The following CPNE8 variants were observed in gnomAD, a reference collection of about 807,000 sequenced individuals.
CPNE8 encodes the protein copine 8, also known as copine-8.
A neutral mutation model predicts 81.5 loss-of-function variants in CPNE8; 45 were observed. The observed-to-expected ratio is 0.55, with a 90% CI of 0.44 to 0.71. The LOEUF is 0.71. CPNE8 is among the 30% of genes least tolerant of loss of function. The pLI, the probability that CPNE8 is intolerant of heterozygous loss-of-function variation, is 0.00. For missense variants in CPNE8, 594 were observed against 672.1 expected (o/e 0.88, Z 1.28); for synonymous variants, 252 against 226.3 (o/e 1.11, Z -1.02).
At chr12:38,842,030 A>G (rs1943475965) in intron 4 of CPNE8, among the ~76,000 whole-genome samples, 1 of 137,796 alleles carries the variant, frequency 7.3e-6, no homozygotes, top group South Asian at 2.2e-4. Flanking sequence ...ATTTTACAAT[A>G]GCAAAAAAAA....
At chr12:38,798,381 TG>T (rs1942559236) in intron 6 of CPNE8, among the ~76,000 whole-genome samples, 2 of 152,052 alleles carry the variant, frequency 1.3e-5, no homozygotes, top group Non-Finnish European at 2.9e-5. Context: ...CAGAAGACAG[TG>T]GGGGCCAATA....
intron 19 of CPNE8, among the ~76,000 whole-genome samples, chr12:38,656,426 T>C (rs2136629554): frequency 6.6e-6 from 1 of 151,966 alleles, no homozygotes. Flanking sequence ...TGCTTCTCTA[T>C]GGAAAGGGGA....
chr12:38,826,134 A>T (rs943778693), intron 6 of CPNE8, among the ~76,000 whole-genome samples: 3 of 152,182 alleles, frequency 2.0e-5, no homozygotes, highest in African/African-American at 7.2e-5. Flanking sequence ...TGCCTAGCTA[A>T]GTTTTCTTAG....
At chr12:38,789,539 G>A (rs903468318) in intron 6 of CPNE8, among the ~76,000 whole-genome samples, 9 of 151,666 alleles carry the variant, frequency 5.9e-5, no homozygotes, top group Admixed American at 3.3e-4. Context: ...ACATTGGTCT[G>A]AGCAAAAATT....
chr12:38,769,180 T>G (rs1941750118), intron 7 of CPNE8, among the ~76,000 whole-genome samples: 1 of 152,154 alleles, frequency 6.6e-6, no homozygotes, highest in Non-Finnish European at 1.5e-5. Flanking sequence ...AAAGGTCAGA[T>G]TTCTTAATTT....
chr12:38,749,926 C>A (rs183700079), intron 10 of CPNE8, among the ~76,000 whole-genome samples: 1,545 of 152,262 alleles, frequency 0.01, 12 homozygotes, highest in Admixed American at 0.018. Flanking sequence ...ATCCCCAAGA[C>A]AATGGGGAAA....
intron 6 of CPNE8, among the ~76,000 whole-genome samples, chr12:38,786,356 C>G (rs550116107): frequency 4.9e-4 from 75 of 152,264 alleles, no homozygotes; most frequent in Non-Finnish European, 8.8e-4. Flanking sequence ...CAGACCCACC[C>G]TTACTCTGGG....
At chr12:38,676,693 A>G (rs1939297184) in intron 17 of CPNE8, among the ~76,000 whole-genome samples, 1 of 152,196 alleles carries the variant, frequency 6.6e-6, no homozygotes, top group Non-Finnish European at 1.5e-5. Flanking sequence ...CATCACTTAA[A>G]TAATTTAATA....
At position 38,829,324 on chromosome 12, in the gene CPNE8, C is replaced by T. The variant is rs2137021720; in HGVS notation, c.407+55G>A. The T allele has an allele frequency of 4.7e-6, 6 of 1,270,862 alleles. 1 individual carries two copies. The South Asian group carries it at 6.0e-5, about 13-fold the overall frequency. 78.7% of individuals were successfully genotyped at this position (1,270,862 alleles called of 1,614,324 possible). A position where few individuals can be genotyped will look rare whatever the true frequency, so the allele number is the denominator to read the frequency against. ...CATGCATTCACCAATTCCAAACTGA[C>T]AAAATAGAAACTGTTAAAGTTGGCA... On this transcript the variant is annotated intron_variant, in intron 6 of 19. Coordinates refer to ENST00000331366, the MANE Select transcript of CPNE8 (RefSeq NM_153634.3).
At chr12:38,871,439 T>C (rs1565656281) in intron 3 of CPNE8, among the ~76,000 whole-genome samples, 2 of 152,160 alleles carry the variant, frequency 1.3e-5, no homozygotes, top group Non-Finnish European at 2.9e-5. Context: ...TTCCACTGTA[T>C]TGTTTCAGGC....
chr12:38,781,494 C>T (rs1205007895), intron 6 of CPNE8, among the ~76,000 whole-genome samples: 7 of 152,000 alleles, frequency 4.6e-5, no homozygotes, highest in Non-Finnish European at 1.0e-4. Context: ...AGTACACCTA[C>T]ATTAATAGCA....
At chr12:38,902,417 A>G (rs35252435) in intron 1 of CPNE8, among the ~76,000 whole-genome samples, 3,056 of 58,282 alleles carry the variant, frequency 0.052, 70 homozygotes, top group Middle Eastern at 0.065. Flanking sequence ...GAAAGAAAGA[A>G]AAAGAAAGAA....
At chr12:38,796,977 G>A (rs545478961) in intron 6 of CPNE8, among the ~76,000 whole-genome samples, 9 of 152,318 alleles carry the variant, frequency 5.9e-5, no homozygotes, top group African/African-American at 1.4e-4. Flanking sequence ...ACTGCAAGGC[G>A]GCAGCAAGGC....
At chr12:38,813,069 T>C (rs764144779) in intron 6 of CPNE8, among the ~76,000 whole-genome samples, 7 of 152,160 alleles carry the variant, frequency 4.6e-5, no homozygotes, top group Admixed American at 3.3e-4. Flanking sequence ...TTTAGGAATA[T>C]GAGAATAAAC....
chr12:38,799,832 T>A lies in CPNE8; in HGVS notation c.408-23531A>T, dbSNP rs1002050877. 3.0e-4 allele frequency among the ~76,000 whole-genome samples: 45 copies of A among 149,046 alleles called. 1 individual carries two copies. The highest frequency in any genetic ancestry group is 5.8e-4 in the Non-Finnish European group (39 of 66,730). On this transcript the variant is annotated intron_variant, in intron 6 of 19. Transcript: ENST00000331366. ...GCGCGAGCCGAAGCAGGGCGAGGCATTGCCTCACCTGGGAAGCGCAAGGGG... is the reference window on the plus strand; with the variant it reads ...GCGCGAGCCGAAGCAGGGCGAGGCAATGCCTCACCTGGGAAGCGCAAGGGG...
chr12:38,699,332 C>G (rs992743317), intron 14 of CPNE8, among the ~76,000 whole-genome samples: 1 of 152,142 alleles, frequency 6.6e-6, no homozygotes, highest in African/African-American at 2.4e-5. Context: ...GTTCTTAGTT[C>G]ACCTAATTCA....
intron 6 of CPNE8, among the ~76,000 whole-genome samples, chr12:38,794,463 T>C (rs1021977508): frequency 3.3e-5 from 5 of 151,838 alleles, no homozygotes; most frequent in Non-Finnish European, 5.9e-5. Context: ...CATAAAGAAC[T>C]CCTCCCAATC....
chr12:38,841,784 T>G (rs969341884), intron 4 of CPNE8, among the ~76,000 whole-genome samples: 4 of 152,156 alleles, frequency 2.6e-5, no homozygotes, highest in Non-Finnish European at 5.9e-5. Flanking sequence ...TGATAAAACT[T>G]AAAATATTTA....
At chr12:38,873,392 C>T (rs373565937) in intron 2 of CPNE8, among the ~76,000 whole-genome samples, 2 of 152,098 alleles carry the variant, frequency 1.3e-5, no homozygotes, top group Non-Finnish European at 2.9e-5. Context: ...ACAAGCCAAG[C>T]TCTCCCTAAG....
Sources: allele counts gnomAD v4.1 joint callset (sites outside exome capture counted in the v4.1 genomes callset), GRCh38; gene constraint gnomAD v4.1.1; transcripts MANE v1.5; gene names NCBI Gene and HGNC (gene_info 2026-07-23, HGNC 2026-07-21).